The following EYS variants were observed in gnomAD, a reference collection of about 807,000 sequenced individuals.
The protein encoded by EYS is protein eyes shut homolog.
EYS carries 250 observed loss-of-function variants against 282.1 expected under a neutral mutation model. The ratio of observed to expected loss-of-function variants is 0.89; its 90% confidence interval spans 0.80 to 0.98. The LOEUF (loss-of-function observed/expected upper bound fraction) is 0.98. Ranked by LOEUF, EYS falls within the 50% of genes least tolerant of loss-of-function variation. EYS has a pLI of 0.00. For synonymous variants in EYS, 1,355 were observed against 1,282.9 expected (o/e 1.06, Z -1.20); for missense variants, 4,016 against 3,709.0 (o/e 1.08, Z -2.15).
At chr6:65,395,023 G>C (rs941751825) in intron 7 of EYS, among the ~76,000 whole-genome samples, 1 of 151,500 alleles carries the variant, frequency 6.6e-6, no homozygotes, top group Non-Finnish European at 1.5e-5. Context: ...CCTCTGACAT[G>C]TTATATCTTT....
intron 31 of EYS, among the ~76,000 whole-genome samples, chr6:64,204,797 C>CT (rs1269853229): frequency 6.6e-6 from 1 of 152,122 alleles, no homozygotes; most frequent in Non-Finnish European, 1.5e-5. Flanking sequence ...TGAAATTCAT[C>CT]TAATGGTACA....
At chr6:65,314,781 T>C (rs1180372268) in intron 11 of EYS, among the ~76,000 whole-genome samples, 2 of 152,064 alleles carry the variant, frequency 1.3e-5, no homozygotes, top group Non-Finnish European at 2.9e-5. Context: ...CTCACTCACA[T>C]AGATTTTTGT....
At chr6:65,442,449 T>A (rs961220761) in intron 5 of EYS, among the ~76,000 whole-genome samples, 5 of 151,978 alleles carry the variant, frequency 3.3e-5, no homozygotes, top group Non-Finnish European at 7.4e-5. Flanking sequence ...AACTACTGTT[T>A]TTCATAAATT....
chr6:65,494,624 CT>C, intron 4 of EYS, 38 bp downstream of exon 4: 1 of 1,489,876 alleles, frequency 6.7e-7, no homozygotes, highest in East Asian at 2.5e-5. Context: ...CACTGTGTTT[CT>C]CTATTTTAAT....
intron 26 of EYS, among the ~76,000 whole-genome samples, chr6:64,452,759 A>C (rs1775405980): frequency 6.6e-6 from 1 of 152,214 alleles, no homozygotes; most frequent in African/African-American, 2.4e-5. Context: ...GCAATGGGGA[A>C]ACGATCCCCT....
At chr6:64,036,285 G>T (rs1770116942) in intron 33 of EYS, among the ~76,000 whole-genome samples, 2 of 152,176 alleles carry the variant, frequency 1.3e-5, no homozygotes, top group South Asian at 4.1e-4. Context: ...GGTGCAGAAT[G>T]GGGAGTGAGT....
chr6:64,875,581 C>A (rs924571122), intron 19 of EYS, among the ~76,000 whole-genome samples: 3 of 151,924 alleles, frequency 2.0e-5, no homozygotes, highest in Non-Finnish European at 4.4e-5. Flanking sequence ...TACATAGGAG[C>A]CATCCATGTA....
At chr6:65,245,693 A>C (rs1186019831) in intron 12 of EYS, among the ~76,000 whole-genome samples, 1 of 151,618 alleles carries the variant, frequency 6.6e-6, no homozygotes, top group Non-Finnish European at 1.5e-5. Flanking sequence ...CTCCTTAAAA[A>C]AAGTAAAAAA....
chr6:64,382,507 G>C (rs1334384792), intron 29 of EYS, among the ~76,000 whole-genome samples: 1 of 152,164 alleles, frequency 6.6e-6, no homozygotes, highest in Admixed American at 6.5e-5. Context: ...GCTGATGTTT[G>C]ACTCTCCCTC....
chr6:64,127,353 T>C (rs1239317708), intron 31 of EYS, among the ~76,000 whole-genome samples: 1 of 152,198 alleles, frequency 6.6e-6, no homozygotes, highest in African/African-American at 2.4e-5. Flanking sequence ...AATTACTTAC[T>C]ATCATCTAAA....
chr6:64,151,984 C>T (rs900035947), intron 31 of EYS, among the ~76,000 whole-genome samples: 10 of 152,158 alleles, frequency 6.6e-5, no homozygotes, highest in African/African-American at 2.4e-4. Context: ...TTGAGCACTG[C>T]CTTTCCTAGA....
At chr6:64,660,998 C>G (rs1224693153) in intron 22 of EYS, among the ~76,000 whole-genome samples, 2 of 152,278 alleles carry the variant, frequency 1.3e-5, no homozygotes, top group East Asian at 1.9e-4. Context: ...TACTACAAGG[C>G]TACAGTAACC....
chr6:63,932,754 C>G (rs966550502), intron 35 of EYS, among the ~76,000 whole-genome samples: 1 of 152,194 alleles, frequency 6.6e-6, no homozygotes, highest in Non-Finnish European at 1.5e-5. Context: ...ACACACCAAC[C>G]AAGCAATTCT....
intron 12 of EYS, among the ~76,000 whole-genome samples, chr6:65,266,468 T>C (rs1242980966): frequency 6.6e-6 from 1 of 151,948 alleles, no homozygotes; most frequent in Non-Finnish European, 1.5e-5. Context: ...CAAAGATTTG[T>C]TGCATGCATG....
At chr6:64,607,541 T>A (rs557043753) in intron 24 of EYS, among the ~76,000 whole-genome samples, 6 of 152,128 alleles carry the variant, frequency 3.9e-5, no homozygotes, top group African/African-American at 1.4e-4. Context: ...CTCATCCCAA[T>A]CATGAGTACT....
At chr6:65,220,174 A>G (rs1766424107) in intron 12 of EYS, among the ~76,000 whole-genome samples, 1 of 152,140 alleles carries the variant, frequency 6.6e-6, no homozygotes, top group Admixed American at 6.5e-5. Flanking sequence ...TGTTTACATC[A>G]AAAAGACTAC....
Position 64,591,600 on chromosome 6 carries a change from G to T in EYS, c.4267C>A (p.Pro1423Thr), listed in dbSNP as rs763400165. ...ATGCTTCTAATTACTGAAGTCGTTG[G>T]GGTAGCAGATAAAGCAACAGTCTGA... ...NCQTVALSAT[P>T]TTSVIRSIPG... is the part of the protein sequence containing the mutation. Residue 1423 changes from proline to threonine, a missense_variant, in exon 26 of 43, where the codon CCA becomes ACA. By Grantham distance (38) the Pro-to-Thr change is conservative (BLOSUM62 -1). Coordinates refer to ENST00000503581, the MANE Select transcript of EYS (RefSeq NM_001142800.2). 4 of 1,551,150 alleles carry T rather than the reference G, an allele frequency of 2.6e-6. No individual in the cohort carries two copies. In the South Asian group the frequency reaches 4.8e-5, roughly 18 times the overall value.
chr6:64,556,664 G>T (rs982419742), intron 26 of EYS, among the ~76,000 whole-genome samples: 2 of 151,890 alleles, frequency 1.3e-5, no homozygotes, highest in Admixed American at 6.6e-5. Context: ...TTCTCAGGAA[G>T]ATAAAGGAGG....
intron 36 of EYS, among the ~76,000 whole-genome samples, chr6:63,856,206 C>A (rs1188930462): frequency 6.6e-6 from 1 of 151,904 alleles, no homozygotes; most frequent in Non-Finnish European, 1.5e-5. Context: ...GACAGACCTG[C>A]AAGGTAAAAG....
Sources: gnomAD v4.1 joint callset for allele counts (sites outside exome capture counted in the v4.1 genomes callset) on GRCh38, gnomAD v4.1.1 for gene constraint, MANE v1.5 for transcripts, NCBI Gene and HGNC (gene_info 2026-07-23, HGNC 2026-07-21) for gene names.